Variants in RFX3 observed in about 807,000 individuals in gnomAD.
RFX3 encodes regulatory factor X3.
In RFX3, 14 loss-of-function variants were observed where a neutral mutation model predicts 98.6. The observed-to-expected ratio is 0.14, with a 90% CI of 0.09 to 0.22. RFX3 has a LOEUF of 0.22. Ranked by LOEUF, RFX3 falls within the 10% of genes least tolerant of loss-of-function variation. RFX3 has a pLI of 1.00. For synonymous variants in RFX3, 383 were observed against 328.4 expected (o/e 1.17, Z -1.80); for missense variants, 639 against 926.9 (o/e 0.69, Z 4.03).
intron 1 of RFX3, among the ~76,000 whole-genome samples, chr9:3,421,745 T>G (rs901334959): frequency 6.6e-6 from 1 of 152,190 alleles, no homozygotes; most frequent in Non-Finnish European, 1.5e-5. Context: ...ATATGGAAAG[T>G]AAGCCCTCAT....
chr9:3,264,131 C>A (rs890574262), intron 12 of RFX3, among the ~76,000 whole-genome samples: 1 of 152,080 alleles, frequency 6.6e-6, no homozygotes, highest in South Asian at 2.1e-4. Context: ...TTTATCCCCA[C>A]CGTTGGATGC....
At chr9:3,267,903 A>G (rs1823862322) in intron 11 of RFX3, among the ~76,000 whole-genome samples, 1 of 151,950 alleles carries the variant, frequency 6.6e-6, no homozygotes, top group Non-Finnish European at 1.5e-5. Flanking sequence ...ATTAGTGTAC[A>G]TTAATTATTT....
chr9:3,274,927 C>T (rs1042669798), intron 9 of RFX3, among the ~76,000 whole-genome samples: 3 of 151,784 alleles, frequency 2.0e-5, no homozygotes, highest in Admixed American at 6.6e-5. Flanking sequence ...TATACACATA[C>T]ATAAACACAC....
In RFX3 at chr9:3,218,796, C is replaced by T. The variant is rs1176625747; in HGVS notation, c.*6246G>A. 6.6e-6 allele frequency: 1 copy of T among 151,974 alleles called. No homozygotes were observed. Among genetic ancestry groups the T allele is most frequent in the Non-Finnish European group, 1.5e-5 (1 of 67,990 alleles). The allele number at this position is 151,974 out of a possible 1,614,324, so 9.4% of individuals were successfully genotyped here. A position where few individuals can be genotyped will look rare whatever the true frequency, so the allele number is the denominator to read the frequency against. ...ACCTCATTTACATAATATATTCAGT[C>T]GATTGTAAAATAAATGTTCAAATAT... is the stretch of plus-strand genomic sequence containing the variant. On this transcript the variant is annotated 3_prime_UTR_variant, in exon 17 of 17. Transcript: ENST00000617270.
At chr9:3,314,060 C>T (rs937317248) in intron 4 of RFX3, among the ~76,000 whole-genome samples, 1 of 152,118 alleles carries the variant, frequency 6.6e-6, no homozygotes, top group Non-Finnish European at 1.5e-5. Context: ...AACTCCAAGA[C>T]ACATAATTGT....
intron 4 of RFX3, among the ~76,000 whole-genome samples, chr9:3,320,445 G>A (rs1171829667): frequency 6.6e-6 from 1 of 151,758 alleles, no homozygotes; most frequent in Non-Finnish European, 1.5e-5. Context: ...TCAGCTACTT[G>A]GGAGGATGAG....
At chr9:3,320,256 G>C (rs936016233) in intron 4 of RFX3, among the ~76,000 whole-genome samples, 2 of 151,876 alleles carry the variant, frequency 1.3e-5, no homozygotes, top group African/African-American at 4.8e-5. Context: ...CCTTCCTAAA[G>C]ACATCTTTAG....
intron 1 of RFX3, among the ~76,000 whole-genome samples, chr9:3,424,374 T>A (rs866618555): frequency 4.2e-5 from 5 of 119,494 alleles, no homozygotes; most frequent in South Asian, 2.8e-4. Flanking sequence ...TTTTTTTTTT[T>A]TTTTTGAGAC....
chr9:3,387,361 T>C (rs1839831920), intron 2 of RFX3, among the ~76,000 whole-genome samples: 1 of 152,086 alleles, frequency 6.6e-6, no homozygotes, highest in Non-Finnish European at 1.5e-5. Flanking sequence ...ATGATCTAAC[T>C]CTGGATAAAA....
chr9:3,277,451 T>C lies in RFX3; in HGVS notation c.862A>G (p.Met288Val). The change falls in exon 8 of 17, where the codon ATG becomes GTG. Residue 288 changes from methionine to valine, a missense_variant. By Grantham distance (21) the Met-to-Val change is conservative (BLOSUM62 1). Coordinates refer to ENST00000617270, the MANE Select transcript of RFX3 (RefSeq NM_001282116.2). ...TCTGCAACCCCATCCACTTTCTGCA[T>C]AGGCTTGTACCTAAAAATATTAGAT... is the stretch of plus-strand genomic sequence containing the variant. ...PMQQKQRYKP[M>V]QKVDGVADGF... The C allele has an allele frequency of 6.2e-7, 1 of 1,612,300 alleles. No homozygotes were observed. The highest frequency in any genetic ancestry group is 2.2e-5 in the East Asian group (1 of 44,798).
chr9:3,340,589 C>T lies in RFX3; in HGVS notation c.215+6078G>A, dbSNP rs368790085. Among the ~76,000 whole-genome samples, 7 of 152,160 alleles carry T rather than the reference C, an allele frequency of 4.6e-5. No individual in the cohort carries two copies. The South Asian group carries it at 6.2e-4, about 14-fold the overall frequency. ...ACAAACAACCCCATCAAAAAGTGGG[C>T]GAAGGATATGAACAGACACTTCTCG... On this transcript the variant is annotated intron_variant, in intron 3 of 16. Coordinates refer to ENST00000617270, the MANE Select transcript of RFX3 (RefSeq NM_001282116.2).
At chr9:3,293,504 A>T (rs1456302283) in intron 5 of RFX3, among the ~76,000 whole-genome samples, 1 of 152,190 alleles carries the variant, frequency 6.6e-6, no homozygotes, top group African/African-American at 2.4e-5. Context: ...GCACACGTAG[A>T]GACATACTAA....
chr9:3,428,347 T>C (rs886550563), intron 1 of RFX3, among the ~76,000 whole-genome samples: 4 of 152,218 alleles, frequency 2.6e-5, no homozygotes, highest in African/African-American at 9.7e-5. Context: ...CTAAATAATT[T>C]TGATAGAATA....
At chr9:3,515,739 G>A (rs1424294389) in intron 1 of RFX3, among the ~76,000 whole-genome samples, 1 of 152,148 alleles carries the variant, frequency 6.6e-6, no homozygotes, top group Non-Finnish European at 1.5e-5. Context: ...TGAAGGGGAT[G>A]AGATATATTT....
chr9:3,293,654 G>A (rs1406489664), intron 5 of RFX3, among the ~76,000 whole-genome samples: 1 of 152,128 alleles, frequency 6.6e-6, no homozygotes, highest in Non-Finnish European at 1.5e-5. Context: ...ATGGTAAACA[G>A]TATGTCTTTA....
intron 1 of RFX3, among the ~76,000 whole-genome samples, chr9:3,396,046 T>C (rs12347832): frequency 0.041 from 5,970 of 146,938 alleles, 409 homozygotes; most frequent in African/African-American, 0.14. Context: ...AATCATTTCT[T>C]TTTTTTTTTT....
At chr9:3,498,695 T>C (rs1413764019) in intron 1 of RFX3, among the ~76,000 whole-genome samples, 5 of 152,096 alleles carry the variant, frequency 3.3e-5, no homozygotes, top group Non-Finnish European at 2.9e-5. Flanking sequence ...ACAGCAGTAG[T>C]TTTATAAGAA....
intron 7 of RFX3, among the ~76,000 whole-genome samples, chr9:3,283,069 T>C (rs1266034150): frequency 6.6e-6 from 1 of 151,726 alleles, no homozygotes; most frequent in African/African-American, 2.4e-5. Flanking sequence ...ATGTTTCTCC[T>C]CTCTTCAATA....
rs5896011 is a variant in RFX3 at position 3,429,025 on chromosome 9, C to CTT, written c.-8-33431_-8-33430dup. 1.4e-3 allele frequency among the ~76,000 whole-genome samples: 199 copies of CTT among 139,076 alleles called. 1 individual carries two copies. Among genetic ancestry groups the CTT allele is most frequent in the African/African-American group, 4.2e-3 (157 of 37,164 alleles). 91.2% of individuals were successfully genotyped at this position (139,076 alleles called of 152,430 possible). A position where few individuals can be genotyped will look rare whatever the true frequency, so the allele number is the denominator to read the frequency against. ...CATTTCTTTTTAATTTTTAGTTACT[C>CTT]TTTTTTTTTTTTTTTGAGACGGAGT... On this transcript the variant is annotated intron_variant, in intron 1 of 16. Transcript: ENST00000617270.
Sources: allele counts gnomAD v4.1 joint callset (sites outside exome capture counted in the v4.1 genomes callset), GRCh38; gene constraint gnomAD v4.1.1; transcripts MANE v1.5; gene names NCBI Gene and HGNC (gene_info 2026-07-23, HGNC 2026-07-21).